The following LETMD1 variants were observed in gnomAD, a reference collection of about 807,000 sequenced individuals.
The protein encoded by LETMD1 is LETM1 domain-containing protein 1.
LETMD1 carries 30 observed loss-of-function variants against 43.9 expected under a neutral mutation model. The observed-to-expected ratio is 0.68, with a 90% CI of 0.51 to 0.93. The LOEUF is 0.93. LETMD1 is among the 40% of genes least tolerant of loss of function. LETMD1 has a pLI of 0.00. For missense variants in LETMD1, 413 were observed against 447.7 expected (o/e 0.92, Z 0.70); for synonymous variants, 176 against 163.1 (o/e 1.08, Z -0.60).
chr12:51,052,615 T>G (rs1946480998), intron 3 of LETMD1, among the ~76,000 whole-genome samples: 2 of 152,028 alleles, frequency 1.3e-5, no homozygotes. Flanking sequence ...ACCCCATCTC[T>G]ACTGAAAATA....
At chr12:51,066,249 T>C in the LETMD1 span, among the ~76,000 whole-genome samples, 1 of 151,164 alleles carries the variant, frequency 6.6e-6, no homozygotes, top group Non-Finnish European at 1.5e-5. Context: ...GGTCAAGAGA[T>C]CGAGACCATC....
At chr12:51,058,002 T>G in intron 7 of LETMD1, 30 bp from the exon 8 acceptor site, 1 of 1,300,666 alleles carries the variant, frequency 7.7e-7, no homozygotes, top group Non-Finnish European at 1.1e-6. Context: ...CTATGATTAT[T>G]AAGGACCATT....
chr12:51,064,305 A>G, downstream of LETMD1: 1 of 1,613,784 alleles, frequency 6.2e-7, no homozygotes, highest in South Asian at 1.1e-5. Flanking sequence ...TAGGATGCAC[A>G]CACCCAGGCT....
intron 4 of LETMD1, among the ~76,000 whole-genome samples, chr12:51,054,798 A>G (rs1248268269): frequency 6.6e-6 from 1 of 152,184 alleles, no homozygotes; most frequent in Non-Finnish European, 1.5e-5. Flanking sequence ...ACGTAGATAA[A>G]TAAATTAAAA....
intron 7 of LETMD1, 82 bp from the exon 8 acceptor site, chr12:51,057,950 T>G: frequency 3.1e-6 from 3 of 980,330 alleles, no homozygotes; most frequent in Non-Finnish European, 5.0e-6. Flanking sequence ...TAAAGGAGAT[T>G]TAGGATTGTT....
intron 4 of LETMD1, 156 bp from the exon 5 acceptor site, chr12:51,055,679 A>AAC (rs1344449261): frequency 1.6e-5 from 7 of 428,116 alleles, no homozygotes; most frequent in African/African-American, 4.2e-5. Flanking sequence ...AAAAAAAAAA[A>AAC]AAAAAAAAAA....
chr12:51,061,283 G>A (rs1441567352), downstream of LETMD1: 5 of 152,484 alleles, frequency 3.3e-5, no homozygotes, highest in Non-Finnish European at 7.4e-5. Flanking sequence ...AGAACCTAAA[G>A]GGGAAAAAAT....
downstream of LETMD1, chr12:51,064,022 G>T (rs976726378): frequency 6.2e-7 from 1 of 1,614,126 alleles, no homozygotes. Flanking sequence ...CAGGGAGAGA[G>T]AAGACATTCA....
At chr12:51,052,442 T>C in intron 3 of LETMD1, 1 of 482,398 alleles carries the variant, frequency 2.1e-6, no homozygotes, top group East Asian at 3.4e-5. Flanking sequence ...ACTTTCTGAA[T>C]GAAAGTTGTA....
intron 7 of LETMD1, 180 bp downstream of exon 7, chr12:51,056,682 T>A: frequency 1.9e-6 from 1 of 520,272 alleles, no homozygotes; most frequent in Non-Finnish European, 3.2e-6. Context: ...TGAGACAGAG[T>A]CTCATTCTGT....
intron 4 of LETMD1, 170 bp from the exon 5 acceptor site, chr12:51,055,665 T>TAA (rs56285797): frequency 0.27 from 39,507 of 148,556 alleles, 6,342 homozygotes; most frequent in Non-Finnish European, 0.33. Context: ...CCCTGTCTCT[T>TAA]AAAAAAAAAA....
At chr12:51,052,466 A>G in intron 3 of LETMD1, 1 of 436,922 alleles carries the variant, frequency 2.3e-6, no homozygotes, top group Non-Finnish European at 4.1e-6. Context: ...ACTAAAATCT[A>G]ATTAGTTTCT....
chr12:51,049,674 T>C (rs1019310621), intron 2 of LETMD1, among the ~76,000 whole-genome samples: 1 of 152,228 alleles, frequency 6.6e-6, no homozygotes, highest in African/African-American at 2.4e-5. Context: ...GGAGAAGATA[T>C]GTATCGTGTC....
rs1250200307 is a variant in LETMD1, at chr12:51,052,074, T to G, written c.275-18T>G. On this transcript the variant is annotated intron_variant, in intron 2 of 8. Coordinates refer to ENST00000262055, the MANE Select transcript of LETMD1 (RefSeq NM_015416.5). ...ACTGGGATAACATCACACTCTGTCCTCTACTTTAATGAGGCAGGATTGCAG... is the reference window on the plus strand; with the variant it reads ...ACTGGGATAACATCACACTCTGTCCGCTACTTTAATGAGGCAGGATTGCAG... The G allele has an allele frequency of 6.2e-7, 1 of 1,610,778 alleles. No homozygotes were observed. The highest frequency in any genetic ancestry group is 1.7e-5 in the Admixed American group (1 of 59,688).
chr12:51,051,579 C>T (rs112716732), intron 2 of LETMD1, among the ~76,000 whole-genome samples: 4,366 of 151,804 alleles, frequency 0.029, 205 homozygotes, highest in African/African-American at 0.099. Context: ...TGGTGGCACA[C>T]GCCTGTAATC....
intron 4 of LETMD1, among the ~76,000 whole-genome samples, chr12:51,055,339 A>G (rs10876129): frequency 0.44 from 66,200 of 151,664 alleles, 16,182 homozygotes; most frequent in Non-Finnish European, 0.57. Flanking sequence ...ATTGTGCTTC[A>G]GTGTGTCTTA....
chr12:51,066,603 T>C, the LETMD1 span, among the ~76,000 whole-genome samples: 1 of 148,174 alleles, frequency 6.7e-6, no homozygotes. Flanking sequence ...ATCGCGCCAC[T>C]GCACTCCAGC....
chr12:51,049,227 G>A (rs756517059), intron 2 of LETMD1, 42 bp downstream of exon 2: 2 of 1,565,352 alleles, frequency 1.3e-6, no homozygotes, highest in Admixed American at 3.4e-5. Flanking sequence ...ATCAGCTCTT[G>A]GGCAGGGTCA....
chr12:51,060,775 G>A (rs904407501), downstream of LETMD1, among the ~76,000 whole-genome samples: 1 of 151,892 alleles, frequency 6.6e-6, no homozygotes, highest in Non-Finnish European at 1.5e-5. Flanking sequence ...GGTGGTGGGC[G>A]CCTGTAGTCC....
Sources: allele counts gnomAD v4.1 joint callset (sites outside exome capture counted in the v4.1 genomes callset), GRCh38; gene constraint gnomAD v4.1.1; transcripts MANE v1.5; gene names NCBI Gene and HGNC (gene_info 2026-07-23, HGNC 2026-07-21).